The following TENM3 variants were observed in gnomAD, a reference collection of about 807,000 sequenced individuals.
TENM3 encodes the protein teneurin transmembrane protein 3, also known as teneurin-3.
TENM3 carries 63 observed loss-of-function variants against 255.1 expected under a neutral mutation model. That is an observed-to-expected ratio of 0.25 (90% CI 0.20 to 0.30). The LOEUF is 0.30. Ranked by LOEUF, TENM3 falls within the 10% of genes least tolerant of loss-of-function variation. TENM3 has a pLI of 1.00. For missense variants in TENM3, 2,929 were observed against 3,461.1 expected (o/e 0.85, Z 3.86); for synonymous variants, 1,306 against 1,322.3 (o/e 0.99, Z 0.27).
the TENM3 span, among the ~76,000 whole-genome samples, chr4:181,679,956 G>A: frequency 5.3e-4 from 81 of 152,148 alleles, no homozygotes; most frequent in South Asian, 6.6e-3. Context: ...TGACTGAGAT[G>A]ACAATTTTAC....
the TENM3 span, among the ~76,000 whole-genome samples, chr4:181,852,384 C>T: frequency 1.3e-5 from 2 of 152,204 alleles, no homozygotes; most frequent in African/African-American, 2.4e-5. Context: ...GTCCTTCCTC[C>T]ACCACTCACT....
chr4:181,813,700 G>C, the TENM3 span, among the ~76,000 whole-genome samples: 1 of 152,250 alleles, frequency 6.6e-6, no homozygotes, highest in African/African-American at 2.4e-5. Flanking sequence ...TTTGAGAATG[G>C]GGACAATGAG....
the TENM3 span, among the ~76,000 whole-genome samples, chr4:181,562,221 CG>C: frequency 5.9e-5 from 9 of 151,388 alleles, no homozygotes; most frequent in South Asian, 4.3e-4. Flanking sequence ...TTATCTATTA[CG>C]TTTTTTTTTA....
chr4:181,661,656 T>C, the TENM3 span, among the ~76,000 whole-genome samples: 1 of 152,124 alleles, frequency 6.6e-6, no homozygotes, highest in Non-Finnish European at 1.5e-5. Context: ...AGAAAAATGA[T>C]TACTGATATG....
At chr4:181,997,714 T>A in the TENM3 span, among the ~76,000 whole-genome samples, 2 of 152,218 alleles carry the variant, frequency 1.3e-5, no homozygotes, top group Non-Finnish European at 2.9e-5. Context: ...TGTGATGCAA[T>A]GTACATCGTC....
the TENM3 span, among the ~76,000 whole-genome samples, chr4:181,534,616 C>T: frequency 1.6e-4 from 25 of 152,088 alleles, no homozygotes; most frequent in African/African-American, 5.6e-4. Context: ...GAAAACTTTC[C>T]GGACTGCCCA....
chr4:181,728,564 G>A, the TENM3 span, among the ~76,000 whole-genome samples: 8 of 152,166 alleles, frequency 5.3e-5, no homozygotes, highest in Non-Finnish European at 7.3e-5. Flanking sequence ...TCGTGGTGCT[G>A]GTGGGCATGG....
chr4:181,542,756 C>A, the TENM3 span, among the ~76,000 whole-genome samples: 1 of 152,148 alleles, frequency 6.6e-6, no homozygotes, highest in Non-Finnish European at 1.5e-5. Flanking sequence ...TCAAGGACTC[C>A]AGCCTTTGAT....
chr4:182,608,246 A>G (rs1748620349), intron 4 of TENM3, among the ~76,000 whole-genome samples: 1 of 151,760 alleles, frequency 6.6e-6, no homozygotes, highest in Non-Finnish European at 1.5e-5. Context: ...TTAAAGATTG[A>G]TTGATTGATT....
At chr4:182,069,644 AACC>A in the TENM3 span, among the ~76,000 whole-genome samples, 2 of 151,666 alleles carry the variant, frequency 1.3e-5, no homozygotes, top group Non-Finnish European at 2.9e-5. Context: ...CTTATTACCA[AACC>A]TGGGACATCC....
At chr4:182,157,512 C>T (rs1750794598) in intron 1 of TENM3, among the ~76,000 whole-genome samples, 1 of 152,160 alleles carries the variant, frequency 6.6e-6, no homozygotes, top group Admixed American at 6.5e-5. Context: ...TGAAATCTTC[C>T]CTCACTCTAC....
At chr4:182,364,004 G>A (rs1766218829) in intron 3 of TENM3, among the ~76,000 whole-genome samples, 1 of 152,046 alleles carries the variant, frequency 6.6e-6, no homozygotes, top group African/African-American at 2.4e-5. Flanking sequence ...GAGTACCATT[G>A]TATAGATGGC....
intron 1 of TENM3, among the ~76,000 whole-genome samples, chr4:182,182,923 A>C (rs1752932388): frequency 6.6e-6 from 1 of 152,342 alleles, no homozygotes; most frequent in Non-Finnish European, 1.5e-5. Flanking sequence ...TGATTAGCTA[A>C]GGAAGACCCT....
the TENM3 span, among the ~76,000 whole-genome samples, chr4:181,537,455 AC>A: frequency 6.6e-6 from 1 of 152,094 alleles, no homozygotes; most frequent in East Asian, 1.9e-4. Flanking sequence ...ACCAATTCAA[AC>A]TCATTGAAAT....
At chr4:181,790,890 T>G in the TENM3 span, among the ~76,000 whole-genome samples, 1 of 152,246 alleles carries the variant, frequency 6.6e-6, no homozygotes, top group Non-Finnish European at 1.5e-5. Context: ...CTTTGCCTGC[T>G]TACTTTGTGC....
chr4:181,460,204 A>G, the TENM3 span, among the ~76,000 whole-genome samples: 17,842 of 152,020 alleles, frequency 0.12, 1,169 homozygotes, highest in East Asian at 0.16. Context: ...AGTTCTGTGA[A>G]CTATTTTGTA....
At chr4:182,267,697 G>T (rs1759329360) in intron 1 of TENM3, among the ~76,000 whole-genome samples, 1 of 144,556 alleles carries the variant, frequency 6.9e-6, no homozygotes, top group Non-Finnish European at 1.5e-5. Flanking sequence ...GTGGAACAAA[G>T]TTCCATCAAA....
chr4:181,583,713 T>C, the TENM3 span, among the ~76,000 whole-genome samples: 1 of 152,224 alleles, frequency 6.6e-6, no homozygotes, highest in Non-Finnish European at 1.5e-5. Context: ...TGTTACCTGC[T>C]GATTTCAGAA....
chr4:182,024,467 A>AT, the TENM3 span, among the ~76,000 whole-genome samples: 6,088 of 152,244 alleles, frequency 0.04, 399 homozygotes, highest in African/African-American at 0.13. Context: ...TATAATCTGT[A>AT]TTTTTTAAAA....
Sources: gnomAD v4.1 joint callset for allele counts (sites outside exome capture counted in the v4.1 genomes callset) on GRCh38, gnomAD v4.1.1 for gene constraint, MANE v1.5 for transcripts, NCBI Gene and HGNC (gene_info 2026-07-23, HGNC 2026-07-21) for gene names.